IL1RAPL2: variants seen among roughly 807,000 people sequenced by gnomAD.
The protein encoded by IL1RAPL2 is interleukin 1 receptor accessory protein like 2, also known as X-linked interleukin-1 receptor accessory protein-like 2.
Under a neutral mutation model 44.1 loss-of-function variants are expected in IL1RAPL2, and 3 were observed. That is an observed-to-expected ratio of 0.07 (90% CI 0.03 to 0.18). IL1RAPL2 has a LOEUF of 0.18. Ranked by LOEUF, IL1RAPL2 falls within the 10% of genes least tolerant of loss-of-function variation. The pLI, the probability that IL1RAPL2 is intolerant of heterozygous loss-of-function variation, is 1.00. For synonymous variants in IL1RAPL2, 181 were observed against 178.8 expected, an observed-to-expected ratio of 1.01 and a Z score of -0.10; for missense variants, 391 against 496.4, an observed-to-expected ratio of 0.79 and a Z score of 2.02.
At chrX:104,812,599 T>C (rs1039602053) in intron 2 of IL1RAPL2, among the ~76,000 whole-genome samples, 1 of 111,481 alleles carries the variant, frequency 9.0e-6, no homozygotes, top group African/African-American at 3.3e-5. Context: ...TGTGGAGGCA[T>C]ACAGGTGGAG....
chrX:104,685,954 A>AT (rs1930980783), intron 2 of IL1RAPL2, among the ~76,000 whole-genome samples: 1 of 109,552 alleles, frequency 9.1e-6, no homozygotes, highest in African/African-American at 3.3e-5. Flanking sequence ...AAATAAATAA[A>AT]TAAATAAATA....
chrX:105,362,077 T>G (rs1014937651), intron 5 of IL1RAPL2, among the ~76,000 whole-genome samples: 1 of 112,044 alleles, frequency 8.9e-6, no homozygotes, highest in Non-Finnish European at 1.9e-5. Flanking sequence ...ACCAGACACA[T>G]AATCATCAGT....
At chrX:104,910,360 G>A (rs777433933) in intron 2 of IL1RAPL2, among the ~76,000 whole-genome samples, 7 of 112,222 alleles carry the variant, frequency 6.2e-5, no homozygotes, top group East Asian at 2.8e-4. Context: ...GTTCCTATTC[G>A]TCCATCTTGG....
chrX:105,036,176 G>A (rs2031625228), intron 2 of IL1RAPL2, among the ~76,000 whole-genome samples: 1 of 111,371 alleles, frequency 9.0e-6, no homozygotes. Context: ...CTAAATTTCT[G>A]GTCACCTCAT....
At chrX:104,603,387 G>T (rs1019353958) in intron 1 of IL1RAPL2, among the ~76,000 whole-genome samples, 1 of 111,532 alleles carries the variant, frequency 9.0e-6, no homozygotes, top group African/African-American at 3.3e-5. Context: ...AAACCAGAAC[G>T]CCTCTTCTCC....
At chrX:104,584,917 G>A (rs1928477030) in intron 1 of IL1RAPL2, among the ~76,000 whole-genome samples, 3 of 108,775 alleles carry the variant, frequency 2.8e-5, no homozygotes, top group Non-Finnish European at 5.7e-5. Context: ...AAAAATCATG[G>A]GAGCTATTTT....
chrX:105,636,915 A>T (rs1360747099), intron 6 of IL1RAPL2, among the ~76,000 whole-genome samples: 1 of 111,518 alleles, frequency 9.0e-6, no homozygotes, highest in Non-Finnish European at 1.9e-5. Context: ...TACAGGCAAC[A>T]GCTGCAACTC....
intron 2 of IL1RAPL2, among the ~76,000 whole-genome samples, chrX:105,005,232 C>A (rs2030920898): frequency 9.0e-6 from 1 of 111,487 alleles, no homozygotes; most frequent in Non-Finnish European, 1.9e-5. Flanking sequence ...AAAGATTTTA[C>A]CTTCCTGTAG....
At chrX:104,707,291 G>A (rs1213030444) in intron 2 of IL1RAPL2, among the ~76,000 whole-genome samples, 3 of 111,234 alleles carry the variant, frequency 2.7e-5, no homozygotes, top group African/African-American at 6.5e-5. Context: ...CTATCAAAAG[G>A]GAAAGGGTAC....
chrX:104,731,460 T>TGGCGCAGTCTCTGCTCACTGCAGC (rs1555986143), intron 2 of IL1RAPL2, among the ~76,000 whole-genome samples: 4 of 110,918 alleles, frequency 3.6e-5, no homozygotes, highest in African/African-American at 1.3e-4. Context: ...TGGAATGCAG[T>TGGCGCAGTCTCTGCTCACTGCAGC]GGCGCAGTCT....
At chrX:105,206,345 T>C (rs1368126840) in intron 3 of IL1RAPL2, among the ~76,000 whole-genome samples, 1 of 111,763 alleles carries the variant, frequency 8.9e-6, no homozygotes, top group Non-Finnish European at 1.9e-5. Context: ...TTATTGAAGA[T>C]GATAAAACTG....
At chrX:105,137,451 T>G (rs915645942) in intron 2 of IL1RAPL2, among the ~76,000 whole-genome samples, 1 of 111,334 alleles carries the variant, frequency 9.0e-6, no homozygotes, top group African/African-American at 3.3e-5. Flanking sequence ...GAGCTATGAG[T>G]GCTGACATAA....
In IL1RAPL2 at chrX:104,750,167, T is replaced by C. The variant is rs1336407187; in HGVS notation, c.82+91172T>C. ...CATGTTGTCTAGATGATGAATGACT[T>C]ATTGATAGTCCAGGCTTTGTACTAT... On this transcript the variant is annotated intron_variant, in intron 2 of 10. Coordinates refer to ENST00000372582, the MANE Select transcript of IL1RAPL2 (RefSeq NM_017416.2). 2.7e-5 allele frequency among the ~76,000 whole-genome samples: 3 copies of C among 111,880 alleles called. No individual in the cohort carries two copies. The East Asian group carries it at 8.5e-4, about 32-fold the overall frequency.
chrX:105,559,951 CT>C (rs1401736854), intron 6 of IL1RAPL2, among the ~76,000 whole-genome samples: 1 of 111,878 alleles, frequency 8.9e-6, no homozygotes, highest in Non-Finnish European at 1.9e-5. Flanking sequence ...CTGCCTTCAA[CT>C]TTGCTCTCCA....
chrX:105,695,906 A>G (rs1479677918), intron 6 of IL1RAPL2, among the ~76,000 whole-genome samples: 1 of 111,959 alleles, frequency 8.9e-6, no homozygotes, highest in Non-Finnish European at 1.9e-5. Context: ...TTGCTCTTTC[A>G]CCTGTGCTGC....
rs1048901365 is a variant in IL1RAPL2, at chrX:105,440,601, G to A, written c.698-43712G>A. Among the ~76,000 whole-genome samples, 3 of 112,126 alleles carry A rather than the reference G, an allele frequency of 2.7e-5. No individual in the cohort carries two copies. In the Admixed American group the frequency reaches 2.9e-4, roughly 11 times the overall value. On this transcript the variant is annotated intron_variant, in intron 5 of 10. Coordinates refer to ENST00000372582, the MANE Select transcript of IL1RAPL2 (RefSeq NM_017416.2). ...AACTTAAGTGGTTTGTACAGCTGGA[G>A]CCAAATATGCTCTGCAGAGAAAAAT...
chrX:105,372,251 C>T lies in IL1RAPL2; in HGVS notation c.697+104710C>T, dbSNP rs149015726. On this transcript the variant is annotated intron_variant, in intron 5 of 10. Coordinates refer to ENST00000372582, the MANE Select transcript of IL1RAPL2 (RefSeq NM_017416.2). ...AGGAGTTTGGGACCAGCCTGGCCAACGTGGTGAAACCCCATCTCTACTAAA... is the reference window on the plus strand; with the variant it reads ...AGGAGTTTGGGACCAGCCTGGCCAATGTGGTGAAACCCCATCTCTACTAAA... Among the ~76,000 whole-genome samples, 582 of 109,754 alleles carry T rather than the reference C, an allele frequency of 5.3e-3. 5 individuals are homozygous for T. The highest frequency in any genetic ancestry group is 0.018 in the African/African-American group (540 of 30,115).
intron 2 of IL1RAPL2, among the ~76,000 whole-genome samples, chrX:104,954,778 T>A (rs1925670519): frequency 8.9e-6 from 1 of 112,741 alleles, no homozygotes; most frequent in Non-Finnish European, 1.9e-5. Context: ...CAAGTAGATG[T>A]GGCCATATTG....
intron 2 of IL1RAPL2, among the ~76,000 whole-genome samples, chrX:104,664,624 C>T (rs893311630): frequency 3.6e-5 from 4 of 111,807 alleles, no homozygotes; most frequent in African/African-American, 1.3e-4. Context: ...CTGTTACCTT[C>T]GATACCCCAT....
Sources: gnomAD v4.1 joint callset for allele counts (sites outside exome capture counted in the v4.1 genomes callset) on GRCh38, gnomAD v4.1.1 for gene constraint, MANE v1.5 for transcripts, NCBI Gene and HGNC (gene_info 2026-07-23, HGNC 2026-07-21) for gene names.